Variants in TRPM3 observed in about 807,000 individuals in gnomAD.
The protein encoded by TRPM3 is transient receptor potential cation channel subfamily M member 3.
Under a neutral mutation model 181.2 loss-of-function variants are expected in TRPM3, and 77 were observed. The observed-to-expected ratio is 0.42, with a 90% CI of 0.35 to 0.51. TRPM3 has a LOEUF of 0.51. TRPM3 is among the 20% of genes least tolerant of loss of function. TRPM3 has a pLI of 0.01. For synonymous variants in TRPM3, 745 were observed against 796.4 expected, an observed-to-expected ratio of 0.94 and a Z score of 1.09; for missense variants, 1,759 against 2,196.7, an observed-to-expected ratio of 0.80 and a Z score of 3.98.
chr9:71,132,706 T>C (rs982257794), intron 1 of TRPM3, among the ~76,000 whole-genome samples: 3 of 152,174 alleles, frequency 2.0e-5, no homozygotes, highest in African/African-American at 4.8e-5. Context: ...AAAATGTATC[T>C]ATTCTTCTAT....
chr9:70,860,334 C>T lies in TRPM3; in HGVS notation c.462+2574G>A, dbSNP rs116865193. On this transcript the variant is annotated intron_variant, in intron 3 of 25. Transcript: ENST00000677713. ...TGACTTCAAGATCATGCATCTTAAT[C>T]GCAAAGCCTCTCTTTCCGGTACAGT... is the stretch of plus-strand genomic sequence containing the variant. 2.2e-3 allele frequency among the ~76,000 whole-genome samples: 342 copies of T among 152,252 alleles called. 8 individuals are homozygous for T. In the East Asian group the frequency reaches 0.059, roughly 26 times the overall value.
At chr9:70,664,331 T>G (rs1195097508) in intron 9 of TRPM3, among the ~76,000 whole-genome samples, 1 of 152,202 alleles carries the variant, frequency 6.6e-6, no homozygotes, top group African/African-American at 2.4e-5. Context: ...CTGATCAGTA[T>G]TAGAAATTGT....
intron 1 of TRPM3, among the ~76,000 whole-genome samples, chr9:71,441,368 G>A (rs1338077890): frequency 2.0e-5 from 3 of 152,022 alleles, no homozygotes; most frequent in Non-Finnish European, 4.4e-5. Flanking sequence ...TCAAGAAATG[G>A]TTTATACAGT....
chr9:70,665,616 T>C lies in TRPM3; in HGVS notation c.1345+15890A>G, dbSNP rs115940778. ...GAGAACTTCATGAGTGTGTCTGTTT[T>C]ATACACAATATGCAAAGCTGAGAAA... is the stretch of plus-strand genomic sequence containing the variant. On this transcript the variant is annotated intron_variant, in intron 9 of 25. Coordinates refer to ENST00000677713, the MANE Select transcript of TRPM3 (RefSeq NM_001366145.2). Among the ~76,000 whole-genome samples the C allele has an allele frequency of 4.9e-3, 754 of 152,328 alleles. 9 individuals carry two copies. The highest frequency in any genetic ancestry group is 0.017 in the African/African-American group (713 of 41,568).
chr9:70,909,840 C>A (rs1225762316), intron 1 of TRPM3, among the ~76,000 whole-genome samples: 2 of 152,034 alleles, frequency 1.3e-5, no homozygotes, highest in Admixed American at 6.5e-5. Context: ...TTGCACCGAC[C>A]CAAACTATGA....
intron 1 of TRPM3, among the ~76,000 whole-genome samples, chr9:71,153,716 C>T (rs1193059725): frequency 3.3e-5 from 5 of 152,032 alleles, no homozygotes; most frequent in Admixed American, 2.6e-4. Flanking sequence ...TGTCACTTAT[C>T]CTAAACCCTT....
chr9:70,840,521 A>T lies in TRPM3; in HGVS notation c.801+2482T>A, dbSNP rs79484775. 3.0e-3 allele frequency among the ~76,000 whole-genome samples: 452 copies of T among 152,198 alleles called. 3 individuals are homozygous for T. Among genetic ancestry groups the T allele is most frequent in the Middle Eastern group, 6.8e-3 (2 of 294 alleles). On this transcript the variant is annotated intron_variant, in intron 5 of 25. Transcript: ENST00000677713. ...TGCCCTCTGTGCTAGGATCAAGACT[A>T]TGTTCAGTTGGGAAGGCAGACAATG...
chr9:70,610,312 C>T (rs1454085331), intron 19 of TRPM3, among the ~76,000 whole-genome samples: 3 of 152,166 alleles, frequency 2.0e-5, no homozygotes, highest in Admixed American at 6.5e-5. Flanking sequence ...GGAAGTATTT[C>T]GGAAAAGAAC....
intron 1 of TRPM3, among the ~76,000 whole-genome samples, chr9:70,890,904 G>A (rs1222921362): frequency 1.3e-5 from 2 of 151,952 alleles, no homozygotes; most frequent in Non-Finnish European, 2.9e-5. Context: ...GCTGGGAACA[G>A]CCACTCAAGG....
chr9:71,201,902 A>G (rs376035148), intron 1 of TRPM3, among the ~76,000 whole-genome samples: 3 of 152,164 alleles, frequency 2.0e-5, no homozygotes, highest in Admixed American at 1.3e-4. Flanking sequence ...GAGGAGAGGC[A>G]CTCTGCTTTT....
intron 3 of TRPM3, among the ~76,000 whole-genome samples, chr9:70,848,196 G>T (rs1231903218): frequency 1.3e-5 from 2 of 151,916 alleles, no homozygotes; most frequent in East Asian, 3.9e-4. Flanking sequence ...CATCTGAAAA[G>T]AACCAAACAG....
intron 1 of TRPM3, among the ~76,000 whole-genome samples, chr9:71,220,087 C>T (rs1173428128): frequency 1.3e-5 from 2 of 152,090 alleles, no homozygotes; most frequent in Admixed American, 6.5e-5. Context: ...TCTATTTCTG[C>T]CTGGTGAACT....
At chr9:71,089,329 G>C (rs1414237443) in intron 1 of TRPM3, among the ~76,000 whole-genome samples, 1 of 150,872 alleles carries the variant, frequency 6.6e-6, no homozygotes, top group Non-Finnish European at 1.5e-5. Flanking sequence ...GCTATACAAA[G>C]ATAGAGCATA....
At chr9:71,003,732 T>C (rs10868941) in intron 1 of TRPM3, among the ~76,000 whole-genome samples, 49,732 of 151,972 alleles carry the variant, frequency 0.33, 8,998 homozygotes, top group Middle Eastern at 0.43. Flanking sequence ...GTCGGCAAGG[T>C]GGTGGAATGA....
In TRPM3 at chr9:71,194,807, A is replaced by C. The variant is rs73647966; in HGVS notation, c.183+251846T>G. ...GTATGCAACACTTATTTTAAAAAGAAAAAAAAAAGAAAACCTTTAATTTCA... is the reference window on the plus strand; with the variant it reads ...GTATGCAACACTTATTTTAAAAAGACAAAAAAAAGAAAACCTTTAATTTCA... On this transcript the variant is annotated intron_variant, in intron 1 of 24. Transcript: ENST00000357533. Among the ~76,000 whole-genome samples the C allele has an allele frequency of 9.8e-3, 1,487 of 151,440 alleles. 31 individuals are homozygous for C. The highest frequency in any genetic ancestry group is 0.035 in the African/African-American group (1,436 of 41,336).
intron 5 of TRPM3, 22 bp downstream of exon 5, chr9:70,842,981 A>T (rs1266916208): frequency 6.2e-7 from 1 of 1,609,316 alleles, no homozygotes; most frequent in Admixed American, 1.7e-5. Context: ...AGTCATGGAA[A>T]GCGACAGCAC....
intron 1 of TRPM3, among the ~76,000 whole-genome samples, chr9:71,191,484 C>A (rs2078017178): frequency 6.6e-6 from 1 of 151,706 alleles, no homozygotes. Context: ...CTACTTCCTT[C>A]CAACACTTAT....
Position 70,913,772 on chromosome 9 carries a change from C to T in TRPM3, c.178-49261G>A, listed in dbSNP as rs1461166453. ...TAATACTCTGAGCAACTCAATGTCT[C>T]TCTCTGTATGTTCTTCCAGGAGTAA... On this transcript the variant is annotated intron_variant, in intron 1 of 25. Coordinates refer to ENST00000677713, the MANE Select transcript of TRPM3 (RefSeq NM_001366145.2). Among the ~76,000 whole-genome samples the T allele has an allele frequency of 2.0e-5, 3 of 152,148 alleles. No individual in the cohort carries two copies. In the East Asian group the frequency reaches 5.8e-4, roughly 29 times the overall value.
chr9:70,830,378 A>G (rs879549768), intron 5 of TRPM3, among the ~76,000 whole-genome samples: 6 of 152,182 alleles, frequency 3.9e-5, no homozygotes, highest in Admixed American at 1.3e-4. Context: ...CAGTCTTCTG[A>G]CTTTTGACTT....
Sources: allele counts gnomAD v4.1 joint callset (sites outside exome capture counted in the v4.1 genomes callset), GRCh38; gene constraint gnomAD v4.1.1; transcripts MANE v1.5; gene names NCBI Gene and HGNC (gene_info 2026-07-23, HGNC 2026-07-21).